C10orf90: variants seen among roughly 807,000 people sequenced by gnomAD.
C10orf90 encodes (E2-independent) E3 ubiquitin-conjugating enzyme FATS.
C10orf90 carries 56 observed loss-of-function variants against 62.5 expected under a neutral mutation model. The ratio of observed to expected loss-of-function variants is 0.90; its 90% CI spans 0.72 to 1.12. The LOEUF is 1.12. Ranked by LOEUF, C10orf90 falls within the 50% of genes most tolerant of loss-of-function variation. The pLI is 0.00. For missense variants in C10orf90, 970 were observed against 880.4 expected (o/e 1.10, Z -1.29); for synonymous variants, 386 against 340.4 (o/e 1.13, Z -1.47).
At chr10:126,534,712 A>G (rs967854194) in intron 2 of C10orf90, among the ~76,000 whole-genome samples, 1 of 151,814 alleles carries the variant, frequency 6.6e-6, no homozygotes, top group African/African-American at 2.4e-5. Context: ...AATTCTAGAA[A>G]TGGACTCTGG....
intron 2 of C10orf90, among the ~76,000 whole-genome samples, chr10:126,613,976 T>TGAA: frequency 6.6e-6 from 1 of 152,306 alleles, no homozygotes; most frequent in South Asian, 2.1e-4. Flanking sequence ...TGAGGCTCCA[T>TGAA]GAATCTGATG....
intron 7 of C10orf90, among the ~76,000 whole-genome samples, chr10:126,436,360 T>C (rs956007915): frequency 1.3e-5 from 2 of 152,088 alleles, no homozygotes; most frequent in African/African-American, 4.8e-5. Flanking sequence ...CTATACCCAG[T>C]CTCTAGGATT....
In C10orf90 at chr10:126,461,426, G is replaced by A. The variant is rs375267781; in HGVS notation, c.1985C>T (p.Thr662Met). The A allele has an allele frequency of 1.3e-4, 205 of 1,614,074 alleles. No individual in the cohort carries two copies. The highest frequency in any genetic ancestry group is 4.9e-4 in the Middle Eastern group (3 of 6,062). ...TTGCAAGGTCAAAGATCTTGCAGGCGTTTGCTGAGACTCAGAACAGTCTTC... is the reference window on the plus strand; with the variant it reads ...TTGCAAGGTCAAAGATCTTGCAGGCATTTGCTGAGACTCAGAACAGTCTTC... ...LSEDCSESQQ[T>M]PARSLTLQEA... The change falls in exon 6 of 10, where the codon ACG (threonine) becomes ATG (methionine). Residue 662 changes from threonine (T) to methionine (M), a missense_variant. Thr to Met is a moderately conservative substitution (Grantham distance 81, BLOSUM62 -1). Transcript: ENST00000488181.
At chr10:126,479,344 G>T (rs1861054601) in intron 4 of C10orf90, among the ~76,000 whole-genome samples, 1 of 152,152 alleles carries the variant, frequency 6.6e-6, no homozygotes, top group Non-Finnish European at 1.5e-5. Flanking sequence ...CAAGCTCTAG[G>T]GTCACACTGG....
At chr10:126,498,469 A>G (rs1221781814) in intron 4 of C10orf90, among the ~76,000 whole-genome samples, 1 of 152,126 alleles carries the variant, frequency 6.6e-6, no homozygotes, top group Non-Finnish European at 1.5e-5. Context: ...TATAGCCCTC[A>G]CCACCACCCC....
Position 126,504,676 on chromosome 10 carries a change from T to G in C10orf90, c.815A>C (p.Gln272Pro). ...GCCATTGGCCAGAGCCGGGGGCGCC[T>G]GGAACAGTGTGTCCTCAGCCCTGCA... ...PKCRAEDTLF[Q>P]APPALANGAH... Residue 272 changes from glutamine (Q) to proline (P), a missense_variant, in exon 4 of 10, where the codon CAG becomes CCG. By Grantham distance (76) the Gln-to-Pro change is moderately conservative (BLOSUM62 -1). Coordinates refer to ENST00000488181, the MANE Select transcript of C10orf90 (RefSeq NM_001350921.2). The surrounding 1 kb of genome is among the most constrained non-coding windows in gnomAD (Gnocchi z 4.1). The G allele has an allele frequency of 1.9e-6, 3 of 1,614,048 alleles. No homozygotes were observed. In the South Asian group the frequency reaches 3.3e-5, roughly 18 times the overall value.
intron 2 of C10orf90, among the ~76,000 whole-genome samples, chr10:126,611,260 G>A (rs1845427248): frequency 6.6e-6 from 1 of 152,158 alleles, no homozygotes; most frequent in Non-Finnish European, 1.5e-5. Flanking sequence ...TGTCCCTAGT[G>A]TCGGACTTCT....
At chr10:126,578,788 C>A (rs1020773424) in intron 2 of C10orf90, among the ~76,000 whole-genome samples, 1 of 152,100 alleles carries the variant, frequency 6.6e-6, no homozygotes, top group African/African-American at 2.4e-5. Flanking sequence ...CACAATACAA[C>A]AATTACACAA....
intron 2 of C10orf90, among the ~76,000 whole-genome samples, chr10:126,541,921 C>A (rs1864384926): frequency 6.6e-6 from 1 of 152,156 alleles, no homozygotes; most frequent in African/African-American, 2.4e-5. Flanking sequence ...TGGAATCAAC[C>A]CAAATGTCCA....
chr10:126,537,719 T>G (rs1438105452), intron 2 of C10orf90, among the ~76,000 whole-genome samples: 2 of 152,244 alleles, frequency 1.3e-5, no homozygotes, highest in Non-Finnish European at 2.9e-5. Context: ...CTCTTTCATC[T>G]GAAGGTAATT....
intron 1 of C10orf90, among the ~76,000 whole-genome samples, chr10:126,653,843 G>A (rs1846338595): frequency 1.3e-5 from 2 of 152,144 alleles, no homozygotes; most frequent in South Asian, 2.1e-4. Flanking sequence ...ATTAATTCTC[G>A]ATCTATGGGC....
chr10:126,435,563 A>C (rs1026900435), intron 7 of C10orf90, among the ~76,000 whole-genome samples: 1 of 152,160 alleles, frequency 6.6e-6, no homozygotes, highest in Non-Finnish European at 1.5e-5. Flanking sequence ...AAGCCTCCCC[A>C]GATCTTCCAA....
chr10:126,604,554 G>A (rs983733617), intron 2 of C10orf90, among the ~76,000 whole-genome samples: 2 of 152,192 alleles, frequency 1.3e-5, no homozygotes, highest in Non-Finnish European at 2.9e-5. Flanking sequence ...ACACAGAAAT[G>A]CAAATGTGGA....
At position 126,668,237 on chromosome 10, in the gene C10orf90, C is replaced by G. The variant is rs548193406; in HGVS notation, c.240+2004G>C. On this transcript the variant is annotated intron_variant, in intron 1 of 9. Transcript: ENST00000488181. ...TCCAAAACTCACTTTTGCCAGATAACCAGCCAGTTTCTTTAATCTAGCACC... is the reference window on the plus strand; with the variant it reads ...TCCAAAACTCACTTTTGCCAGATAAGCAGCCAGTTTCTTTAATCTAGCACC... Among the ~76,000 whole-genome samples, 436 of 152,320 alleles carry G rather than the reference C, an allele frequency of 2.9e-3. 3 individuals are homozygous for G. Among genetic ancestry groups the G allele is most frequent in the African/African-American group, 0.01 (418 of 41,570 alleles).
chr10:126,470,279 A>C, intron 4 of C10orf90: 3 of 340,806 alleles, frequency 8.8e-6, no homozygotes, highest in Middle Eastern at 7.1e-4. Context: ...AGGAAGGAAG[A>C]GGCAGTAACA....
chr10:126,520,611 G>A (rs1863691149), intron 2 of C10orf90: 1 of 152,282 alleles, frequency 6.6e-6, no homozygotes, highest in Non-Finnish European at 1.5e-5. Flanking sequence ...ATTGGTGCCT[G>A]CGTTCGTTCC....
chr10:126,514,122 C>T (rs1039969322), intron 2 of C10orf90, among the ~76,000 whole-genome samples, 183 bp from the exon 3 acceptor site: 2 of 152,176 alleles, frequency 1.3e-5, no homozygotes, highest in Admixed American at 1.3e-4. Flanking sequence ...TCCATTTAAC[C>T]TCTCTGGGTT....
At chr10:126,669,721 A>G (rs1846708387) in intron 1 of C10orf90, among the ~76,000 whole-genome samples, 2 of 150,402 alleles carry the variant, frequency 1.3e-5, no homozygotes, top group South Asian at 4.2e-4. Flanking sequence ...TTTTTTTTAC[A>G]AAGTTGTCTC....
chr10:126,525,723 C>T (rs1863921701), intron 2 of C10orf90, among the ~76,000 whole-genome samples: 1 of 152,118 alleles, frequency 6.6e-6, no homozygotes, highest in African/African-American at 2.4e-5. Context: ...ATCCTGTGTC[C>T]CCACTTAGAA....
Sources: allele counts gnomAD v4.1 joint callset (sites outside exome capture counted in the v4.1 genomes callset), GRCh38; gene constraint gnomAD v4.1.1; non-coding constraint Gnocchi (gnomAD v3.1); transcripts MANE v1.5; gene names NCBI Gene and HGNC (gene_info 2026-07-23, HGNC 2026-07-21).